Variants in TSPAN9 observed in about 807,000 individuals in gnomAD.
TSPAN9 encodes tetraspanin-9.
A neutral mutation model predicts 31.0 loss-of-function variants in TSPAN9; 16 were observed. The ratio of observed to expected loss-of-function variants is 0.52; its 90% CI spans 0.35 to 0.78. The LOEUF (loss-of-function observed/expected upper bound fraction) is 0.78. Ranked by LOEUF, TSPAN9 falls within the 30% of genes least tolerant of loss-of-function variation. The probability of loss-of-function intolerance (pLI) is 0.01; values close to 1 mark genes in which losing one functional copy is unlikely to be tolerated. For synonymous variants in TSPAN9, 145 were observed against 121.6 expected, an observed-to-expected ratio of 1.19 and a Z score of -1.27; for missense variants, 272 against 312.5, an observed-to-expected ratio of 0.87 and a Z score of 0.98.
chr12:3,104,064 C>T (rs1051145130), intron 2 of TSPAN9, among the ~76,000 whole-genome samples: 1 of 152,048 alleles, frequency 6.6e-6, no homozygotes, highest in African/African-American at 2.4e-5. Context: ...AACCTGTGAA[C>T]ATCTTGGGGT....
At chr12:3,265,753 C>T (rs957074627) in intron 3 of TSPAN9, among the ~76,000 whole-genome samples, 1 of 152,178 alleles carries the variant, frequency 6.6e-6, no homozygotes, top group Non-Finnish European at 1.5e-5. Context: ...ATTTGTCGAA[C>T]ATGTTTGATA....
intron 2 of TSPAN9, among the ~76,000 whole-genome samples, chr12:3,191,908 C>T (rs936840312): frequency 3.3e-5 from 5 of 152,060 alleles, no homozygotes; most frequent in Admixed American, 2.6e-4. Flanking sequence ...AGAAAGGGGG[C>T]TTTAGTTTTG....
chr12:3,178,191 C>G (rs1486206124), intron 2 of TSPAN9, among the ~76,000 whole-genome samples: 3 of 152,200 alleles, frequency 2.0e-5, no homozygotes, highest in African/African-American at 7.2e-5. Flanking sequence ...ACTCCCCATA[C>G]AGTGCTTAGC....
In TSPAN9 at chr12:3,187,921, C is replaced by G. The variant is rs1034420335; in HGVS notation, c.-17-13256C>G. On this transcript the variant is annotated intron_variant, in intron 2 of 8. Transcript: ENST00000011898. This position sits in a 1 kb window ranked among gnomAD's most constrained non-coding sequence, Gnocchi z 5.2. ...TGTCCCACCCTTTCATTTGATTGCT[C>G]TTTGCCCAGATGCAGATGGAGCGTT... Among the ~76,000 whole-genome samples the G allele has an allele frequency of 1.3e-5, 2 of 152,192 alleles. No individual in the cohort carries two copies. The highest frequency in any genetic ancestry group is 1.3e-4 in the Admixed American group (2 of 15,284).
chr12:3,163,994 T>C (rs1279935448), intron 2 of TSPAN9, among the ~76,000 whole-genome samples: 1 of 152,178 alleles, frequency 6.6e-6, no homozygotes, highest in Non-Finnish European at 1.5e-5. Context: ...CCCCAGTTCC[T>C]GATCTGGAGG....
At chr12:3,220,733 C>T (rs970019484) in intron 3 of TSPAN9, among the ~76,000 whole-genome samples, 7 of 151,724 alleles carry the variant, frequency 4.6e-5, no homozygotes, top group African/African-American at 1.7e-4. Flanking sequence ...TAATATGAGA[C>T]CTGTTTCCTG....
At chr12:3,175,253 G>A (rs2098354865) in intron 2 of TSPAN9, among the ~76,000 whole-genome samples, 1 of 152,200 alleles carries the variant, frequency 6.6e-6, no homozygotes, top group African/African-American at 2.4e-5. Context: ...AGTGGCACGA[G>A]AGCGGTCAGT....
At chr12:3,129,819 C>T (rs148332914) in intron 2 of TSPAN9, among the ~76,000 whole-genome samples, 23 of 152,282 alleles carry the variant, frequency 1.5e-4, no homozygotes, top group Middle Eastern at 3.4e-3. Context: ...CGGTTCCTGC[C>T]GTGTGGAGTG....
At chr12:3,152,593 C>CT (rs1565594477) in intron 2 of TSPAN9, among the ~76,000 whole-genome samples, 1 of 143,118 alleles carries the variant, frequency 7.0e-6, no homozygotes. Flanking sequence ...CTTTTCTTTT[C>CT]TTTCTTTTTT....
rs141391321 is a variant in TSPAN9, at chr12:3,155,988, T to C, written c.-17-45189T>C. The stretch of plus-strand genomic sequence containing the variant: ...TGACAGCCATGACGTATGAGCCTAG[T>C]GATACTTAAGAGATACGACTTGCTA... On this transcript the variant is annotated intron_variant, in intron 2 of 8. Coordinates refer to ENST00000011898, the MANE Select transcript of TSPAN9 (RefSeq NM_006675.5). Among the ~76,000 whole-genome samples, 107 of 152,316 alleles carry C rather than the reference T, an allele frequency of 7.0e-4. 1 individual carries two copies. The East Asian group carries it at 0.02, about 29-fold the overall frequency.
At chr12:3,100,204 C>T (rs2098311212) in intron 2 of TSPAN9, among the ~76,000 whole-genome samples, 1 of 152,200 alleles carries the variant, frequency 6.6e-6, no homozygotes, top group African/African-American at 2.4e-5. Context: ...GTGTGCTCCA[C>T]AGATTGTTGG....
At chr12:3,081,067 G>A (rs529805256) in intron 1 of TSPAN9, among the ~76,000 whole-genome samples, 2 of 152,312 alleles carry the variant, frequency 1.3e-5, no homozygotes, top group South Asian at 4.1e-4. Flanking sequence ...CTTGCAAAAT[G>A]AGGATAACAA....
At chr12:3,197,140 C>T (rs778507755) in intron 2 of TSPAN9, among the ~76,000 whole-genome samples, 3 of 152,140 alleles carry the variant, frequency 2.0e-5, no homozygotes, top group Non-Finnish European at 2.9e-5. Context: ...GAAGAGGAAA[C>T]GGGAGCTCAG....
At chr12:3,161,066 C>T (rs1354251033) in intron 2 of TSPAN9, among the ~76,000 whole-genome samples, 2 of 152,082 alleles carry the variant, frequency 1.3e-5, no homozygotes, top group Non-Finnish European at 2.9e-5. Context: ...ACTAAAAATA[C>T]AAAATTAGCC....
chr12:3,167,855 A>C (rs1392385288), intron 2 of TSPAN9, among the ~76,000 whole-genome samples: 1 of 152,156 alleles, frequency 6.6e-6, no homozygotes. Context: ...GGGGAGCCTT[A>C]GACCACACCT....
At position 3,280,556 on chromosome 12, in the gene TSPAN9, C is replaced by T; in HGVS notation, c.432+73C>T. On this transcript the variant is annotated intron_variant, in intron 6 of 8. Transcript: ENST00000011898. The surrounding 1 kb of genome is among the most constrained non-coding windows in gnomAD (Gnocchi z 4.5). ...CGGCCGGTACTTCTAGCTGCCTTCC[C>T]CGGTGACCTGGCCGGGCACCTGTGC... 2.8e-6 allele frequency: 4 copies of T among 1,409,032 alleles called. No individual in the cohort carries two copies. Among genetic ancestry groups the T allele is most frequent in the Non-Finnish European group, 3.9e-6 (4 of 1,022,154 alleles). The allele number at this position is 1,409,032 out of a possible 1,614,324, so 87.3% of individuals were successfully genotyped here. A position where few individuals can be genotyped will look rare whatever the true frequency, so the allele number is the denominator to read the frequency against.
intron 3 of TSPAN9, among the ~76,000 whole-genome samples, chr12:3,272,665 G>A (rs1001866162): frequency 1.3e-5 from 2 of 152,116 alleles, no homozygotes; most frequent in Non-Finnish European, 2.9e-5. Flanking sequence ...CATCCCTGGC[G>A]AGGGGCCGCT....
At chr12:3,241,240 T>C (rs2098396409) in intron 3 of TSPAN9, among the ~76,000 whole-genome samples, 1 of 152,196 alleles carries the variant, frequency 6.6e-6, no homozygotes, top group Non-Finnish European at 1.5e-5. Flanking sequence ...GTGTCCCACA[T>C]TAGGGAGAAT....
At chr12:3,188,741 G>A (rs565011947) in intron 2 of TSPAN9, among the ~76,000 whole-genome samples, 1 of 152,278 alleles carries the variant, frequency 6.6e-6, no homozygotes, top group South Asian at 2.1e-4. Flanking sequence ...GCCCCCCGGT[G>A]GTTTCTGTAG....
Sources: gnomAD v4.1 joint callset for allele counts (sites outside exome capture counted in the v4.1 genomes callset) on GRCh38, gnomAD v4.1.1 for gene constraint, Gnocchi (gnomAD v3.1) non-coding constraint, MANE v1.5 for transcripts, NCBI Gene and HGNC (gene_info 2026-07-23, HGNC 2026-07-21) for gene names.